The following CPNE8 variants were observed in gnomAD, a reference collection of about 807,000 sequenced individuals.
CPNE8 encodes copine-8.
Under a neutral mutation model 81.5 loss-of-function variants are expected in CPNE8, and 45 were observed. The observed-to-expected ratio is 0.55, with a 90% CI of 0.44 to 0.71. The LOEUF is 0.71. Among genes scored for constraint, CPNE8 ranks in the 30% least tolerant of loss-of-function variants. The pLI is 0.00. For missense variants in CPNE8, 594 were observed against 672.1 expected (o/e 0.88, Z 1.28); for synonymous variants, 252 against 226.3 (o/e 1.11, Z -1.02).
At chr12:38,790,138 T>G (rs1396662090) in intron 6 of CPNE8, among the ~76,000 whole-genome samples, 1 of 151,776 alleles carries the variant, frequency 6.6e-6, no homozygotes, top group Non-Finnish European at 1.5e-5. Flanking sequence ...AATCAGTATA[T>G]CAAAGACATA....
intron 13 of CPNE8, among the ~76,000 whole-genome samples, chr12:38,719,582 A>C (rs925528492): frequency 1.9e-5 from 2 of 102,652 alleles, no homozygotes; most frequent in Non-Finnish European, 4.3e-5. Context: ...AGATTGTCTC[A>C]GGAAAAAAAA....
At chr12:38,713,689 A>T (rs1433801529) in intron 13 of CPNE8, among the ~76,000 whole-genome samples, 1 of 152,072 alleles carries the variant, frequency 6.6e-6, no homozygotes. Context: ...TTCAATGGCC[A>T]CTCTGTGTTC....
chr12:38,778,551 A>G (rs939994543), intron 6 of CPNE8, among the ~76,000 whole-genome samples: 2 of 152,140 alleles, frequency 1.3e-5, no homozygotes, highest in African/African-American at 2.4e-5. Context: ...TTTCGCCTCA[A>G]ACTTTCCATA....
intron 6 of CPNE8, among the ~76,000 whole-genome samples, chr12:38,787,530 G>T (rs1374553445): frequency 6.9e-6 from 1 of 145,054 alleles, no homozygotes; most frequent in African/African-American, 2.5e-5. Flanking sequence ...ATCTAACAAT[G>T]CATCTTAAAG....
chr12:38,729,919 C>T (rs1405744781), intron 11 of CPNE8, among the ~76,000 whole-genome samples: 1 of 151,576 alleles, frequency 6.6e-6, no homozygotes, highest in Non-Finnish European at 1.5e-5. Flanking sequence ...GACCACAGCT[C>T]ATTTTATAAC....
chr12:38,792,600 C>G lies in CPNE8; in HGVS notation c.408-16299G>C, dbSNP rs536787279. Among the ~76,000 whole-genome samples, 8 of 151,674 alleles carry G rather than the reference C, an allele frequency of 5.3e-5. 1 individual carries two copies. Among genetic ancestry groups the G allele is most frequent in the Admixed American group, 2.6e-4 (4 of 15,220 alleles). ...AATCAATAATCAAAAAACCTCACAA[C>G]AAAATTAAAGCATAAGTCCCAATGG... On this transcript the variant is annotated intron_variant, in intron 6 of 19. Transcript: ENST00000331366.
intron 10 of CPNE8, among the ~76,000 whole-genome samples, chr12:38,748,737 T>G (rs969227602): frequency 6.6e-6 from 1 of 152,114 alleles, no homozygotes; most frequent in Non-Finnish European, 1.5e-5. Context: ...TCTCCTGACC[T>G]TGTGATCCAC....
intron 1 of CPNE8, among the ~76,000 whole-genome samples, chr12:38,886,331 G>C (rs1401207867): frequency 6.6e-6 from 1 of 152,166 alleles, no homozygotes; most frequent in Non-Finnish European, 1.5e-5. Context: ...TCATAGAGTT[G>C]TTTGAGGAGT....
upstream of CPNE8, chr12:38,906,150 C>T (rs1234098432): frequency 6.1e-6 from 6 of 985,806 alleles, no homozygotes; most frequent in Non-Finnish European, 7.2e-6. Context: ...ACCTCGCCCT[C>T]GGAGCTCTTG....
At chr12:38,713,421 T>C (rs1940310798) in intron 13 of CPNE8, among the ~76,000 whole-genome samples, 1 of 152,146 alleles carries the variant, frequency 6.6e-6, no homozygotes, top group Non-Finnish European at 1.5e-5. Context: ...GTAGAGGCAA[T>C]ACAAAAGCAT....
At chr12:38,794,735 T>C (rs1242425247) in intron 6 of CPNE8, among the ~76,000 whole-genome samples, 2 of 151,960 alleles carry the variant, frequency 1.3e-5, no homozygotes, top group Admixed American at 6.6e-5. Flanking sequence ...TATAAAACAG[T>C]GCAATTGCTA....
intron 3 of CPNE8, among the ~76,000 whole-genome samples, chr12:38,858,284 C>A (rs148175319): frequency 8.5e-5 from 13 of 152,132 alleles, no homozygotes; most frequent in African/African-American, 2.9e-4. Flanking sequence ...GATGCAGTTC[C>A]GTCGAGCCCC....
At chr12:38,656,920 C>T (rs1323789679) in intron 19 of CPNE8, among the ~76,000 whole-genome samples, 1 of 152,056 alleles carries the variant, frequency 6.6e-6, no homozygotes, top group Non-Finnish European at 1.5e-5. Context: ...CCAAGATGGC[C>T]GAATAGGAAC....
At chr12:38,699,522 G>T (rs949728081) in intron 14 of CPNE8, among the ~76,000 whole-genome samples, 14 of 152,054 alleles carry the variant, frequency 9.2e-5, no homozygotes, top group African/African-American at 3.4e-4. Flanking sequence ...TTAGTAGAAA[G>T]AATGGTCCAC....
At chr12:38,807,704 T>G (rs1050024571) in intron 6 of CPNE8, among the ~76,000 whole-genome samples, 6 of 151,128 alleles carry the variant, frequency 4.0e-5, no homozygotes, top group Non-Finnish European at 8.9e-5. Flanking sequence ...AAGGACTTCA[T>G]GTCTAAAACA....
chr12:38,884,322 T>C (rs1944207960), intron 1 of CPNE8, among the ~76,000 whole-genome samples: 1 of 152,194 alleles, frequency 6.6e-6, no homozygotes, highest in Admixed American at 6.5e-5. Context: ...GACTAGCTTC[T>C]TTCAAGTACA....
Position 38,798,552 on chromosome 12 carries a change from C to A in CPNE8, c.408-22251G>T, listed in dbSNP as rs1300102115. ...CCTAAAAGAGCTCCTGAAGGAAGCA[C>A]TAAACATGGAAAGAACAACCGGTAC... On this transcript the variant is annotated intron_variant, in intron 6 of 19. Transcript: ENST00000331366. Among the ~76,000 whole-genome samples the A allele has an allele frequency of 5.9e-5, 9 of 152,096 alleles. No individual in the cohort carries two copies. In the East Asian group the frequency reaches 1.7e-3, roughly 29 times the overall value.
At chr12:38,836,672 T>C (rs781449846) in intron 5 of CPNE8, among the ~76,000 whole-genome samples, 2 of 152,170 alleles carry the variant, frequency 1.3e-5, no homozygotes, top group Non-Finnish European at 2.9e-5. Flanking sequence ...AAGGTTCCAG[T>C]TCATATTTAT....
At chr12:38,833,387 C>T (rs970291935) in intron 5 of CPNE8, among the ~76,000 whole-genome samples, 1 of 148,112 alleles carries the variant, frequency 6.8e-6, no homozygotes, top group African/African-American at 2.5e-5. Flanking sequence ...AGAAAAGATA[C>T]CTTTGGCTTT....
Sources: gnomAD v4.1 joint callset for allele counts (sites outside exome capture counted in the v4.1 genomes callset) on GRCh38, gnomAD v4.1.1 for gene constraint, MANE v1.5 for transcripts, NCBI Gene and HGNC (gene_info 2026-07-23, HGNC 2026-07-21) for gene names.